Variants in LARGE1 observed in about 807,000 individuals in gnomAD.
The protein encoded by LARGE1 is LARGE xylosyl- and glucuronyltransferase 1.
A neutral mutation model predicts 87.6 loss-of-function variants in LARGE1; 43 were observed. The observed-to-expected ratio is 0.49, with a 90% CI of 0.38 to 0.63. The LOEUF is 0.63. LARGE1 is among the 30% of genes least tolerant of loss of function. LARGE1 has a pLI of 0.00. For synonymous variants in LARGE1, 434 were observed against 394.6 expected (o/e 1.10, Z -1.18); for missense variants, 802 against 1,000.2 (o/e 0.80, Z 2.67).
At chr22:33,324,579 G>A (rs1937078672) in intron 10 of LARGE1, among the ~76,000 whole-genome samples, 1 of 152,156 alleles carries the variant, frequency 6.6e-6, no homozygotes, top group South Asian at 2.1e-4. Context: ...TTGGACCCAA[G>A]GGAAAATGGC....
chr22:33,855,086 G>A (rs1016506096), intron 1 of LARGE1, among the ~76,000 whole-genome samples: 4 of 152,178 alleles, frequency 2.6e-5, no homozygotes, highest in Non-Finnish European at 1.5e-5. Context: ...TGTAATCTCA[G>A]CACTTTGGGA....
chr22:33,635,897 C>G (rs570240758), intron 3 of LARGE1, among the ~76,000 whole-genome samples: 1 of 152,244 alleles, frequency 6.6e-6, no homozygotes, highest in South Asian at 2.1e-4. Flanking sequence ...ATGCAGAAAA[C>G]AGAAGTAGAT....
chr22:33,600,002 C>T (rs947368148), intron 5 of LARGE1, among the ~76,000 whole-genome samples: 1 of 152,146 alleles, frequency 6.6e-6, no homozygotes, highest in African/African-American at 2.4e-5. Flanking sequence ...AATGTTGCTG[C>T]CTTATCTATG....
intron 4 of LARGE1, among the ~76,000 whole-genome samples, chr22:33,609,421 G>C (rs994863289): frequency 2.6e-5 from 4 of 152,194 alleles, no homozygotes; most frequent in Non-Finnish European, 5.9e-5. Flanking sequence ...GAGCACAAAA[G>C]CTACATGGTG....
At chr22:33,301,482 TA>T (rs1934133546) in intron 12 of LARGE1, among the ~76,000 whole-genome samples, 1 of 152,048 alleles carries the variant, frequency 6.6e-6, no homozygotes, top group South Asian at 2.1e-4. Flanking sequence ...TTGCCAACAT[TA>T]AAAAAACATT....
At chr22:33,589,567 T>C (rs186557195) in intron 5 of LARGE1, among the ~76,000 whole-genome samples, 1 of 152,258 alleles carries the variant, frequency 6.6e-6, no homozygotes, top group Admixed American at 6.5e-5. Flanking sequence ...TTTTTCTTAC[T>C]TCACAGAATT....
At chr22:33,473,010 T>G (rs186472756) in intron 6 of LARGE1, among the ~76,000 whole-genome samples, 1 of 152,352 alleles carries the variant, frequency 6.6e-6, no homozygotes, top group African/African-American at 2.4e-5. Context: ...TATCTTGGCT[T>G]GCCTGGGACT....
intron 3 of LARGE1, among the ~76,000 whole-genome samples, chr22:33,647,073 T>G (rs543918843): frequency 6.6e-6 from 1 of 152,264 alleles, no homozygotes; most frequent in Non-Finnish European, 1.5e-5. Flanking sequence ...TAGAATCATC[T>G]GGATATATTC....
intron 2 of LARGE1, among the ~76,000 whole-genome samples, chr22:33,708,876 G>C (rs1225129763): frequency 6.6e-6 from 1 of 152,190 alleles, no homozygotes; most frequent in African/African-American, 2.4e-5. Flanking sequence ...TGGGATTACA[G>C]GCGCGAGCCA....
At chr22:33,572,299 G>A (rs894729752) in intron 5 of LARGE1, 23 of 751,846 alleles carry the variant, frequency 3.1e-5, no homozygotes, top group South Asian at 4.0e-5. Flanking sequence ...TATGTTCAGA[G>A]TATAATTGTT....
chr22:33,266,219 C>CTTT (rs983805203), intron 11 of LARGE1, among the ~76,000 whole-genome samples: 2,631 of 106,872 alleles, frequency 0.025, 357 homozygotes, highest in African/African-American at 0.11. Context: ...ATTTTCAGGG[C>CTTT]TTTTTTTTTT....
intron 9 of LARGE1, among the ~76,000 whole-genome samples, chr22:33,343,706 T>C (rs111613939): frequency 1.3e-5 from 2 of 152,286 alleles, no homozygotes; most frequent in African/African-American, 4.8e-5. Flanking sequence ...TTTCTATTAT[T>C]ATCTTCATTT....
chr22:33,342,667 G>C (rs779719058), intron 9 of LARGE1, among the ~76,000 whole-genome samples: 5 of 152,136 alleles, frequency 3.3e-5, no homozygotes, highest in Non-Finnish European at 7.4e-5. Flanking sequence ...TAGGACCCAG[G>C]TCTCCTGGTG....
intron 6 of LARGE1, among the ~76,000 whole-genome samples, chr22:33,522,997 G>C (rs892914101): frequency 6.6e-6 from 1 of 151,714 alleles, no homozygotes; most frequent in Non-Finnish European, 1.5e-5. Context: ...GACTGTTTTT[G>C]TTTGTTTTGT....
intron 2 of LARGE1, among the ~76,000 whole-genome samples, chr22:33,729,740 A>G (rs1321148430): frequency 6.6e-6 from 1 of 152,250 alleles, no homozygotes; most frequent in Non-Finnish European, 1.5e-5. Context: ...ACATGGCCCT[A>G]GCCCCTTCCC....
At chr22:33,088,079 C>G in the LARGE1 span, among the ~76,000 whole-genome samples, 225 of 152,260 alleles carry the variant, frequency 1.5e-3, no homozygotes, top group African/African-American at 5.0e-3. Flanking sequence ...AACACACACA[C>G]ACACACATCA....
At chr22:33,139,865 C>T in the LARGE1 span, among the ~76,000 whole-genome samples, 64,128 of 152,024 alleles carry the variant, frequency 0.42, 13,976 homozygotes, top group South Asian at 0.68. Flanking sequence ...TGGTCATTGC[C>T]TTTCTCTCCC....
At chr22:33,712,637 AGTGTGTGTGT>A (rs34754283) in intron 2 of LARGE1, among the ~76,000 whole-genome samples, 27,102 of 134,640 alleles carry the variant, frequency 0.2, 2,724 homozygotes, top group East Asian at 0.38. Context: ...TGAGGGGTAC[AGTGTGTGTGT>A]GTGTGTGTGT....
At chr22:33,527,589 C>T (rs548432760) in intron 6 of LARGE1, among the ~76,000 whole-genome samples, 1 of 152,192 alleles carries the variant, frequency 6.6e-6, no homozygotes, top group African/African-American at 2.4e-5. Context: ...TTGACATGCT[C>T]CTGCATCGGT....
Sources: gnomAD v4.1 joint callset for allele counts (sites outside exome capture counted in the v4.1 genomes callset) on GRCh38, gnomAD v4.1.1 for gene constraint, MANE v1.5 for transcripts, NCBI Gene and HGNC (gene_info 2026-07-23, HGNC 2026-07-21) for gene names.